NXPH1: variants seen among roughly 807,000 people sequenced by gnomAD.
NXPH1 encodes neurexophilin 1, also known as neurexophilin-1.
In NXPH1, 5 loss-of-function variants were observed where a neutral mutation model predicts 23.7. That is an observed-to-expected ratio of 0.21 (90% CI 0.11 to 0.44). NXPH1 has a LOEUF of 0.44. Among genes scored for constraint, NXPH1 ranks in the 20% least tolerant of loss-of-function variants. The pLI, the probability that NXPH1 is intolerant of heterozygous loss-of-function variation, is 0.99. For synonymous variants in NXPH1, 144 were observed against 122.2 expected (o/e 1.18, Z -1.18); for missense variants, 324 against 321.6 (o/e 1.01, Z -0.06).
At chr7:8,444,697 T>C (rs1816366344) in intron 2 of NXPH1, among the ~76,000 whole-genome samples, 1 of 152,252 alleles carries the variant, frequency 6.6e-6, no homozygotes, top group Non-Finnish European at 1.5e-5. Context: ...GTGCCTCGTC[T>C]TCATCGTCTT....
chr7:8,437,720 C>T (rs1383001078), intron 2 of NXPH1, among the ~76,000 whole-genome samples: 2 of 152,254 alleles, frequency 1.3e-5, no homozygotes, highest in African/African-American at 2.4e-5. Context: ...GCGTTCTCAA[C>T]AACAAGCGCA....
chr7:8,503,124 A>G (rs1014025902), intron 2 of NXPH1, among the ~76,000 whole-genome samples: 1 of 152,048 alleles, frequency 6.6e-6, no homozygotes, highest in African/African-American at 2.4e-5. Flanking sequence ...GCCCCGATCT[A>G]TTTGTGCACA....
intron 2 of NXPH1, among the ~76,000 whole-genome samples, chr7:8,580,845 C>G (rs943390700): frequency 6.6e-6 from 1 of 152,122 alleles, no homozygotes; most frequent in Non-Finnish European, 1.5e-5. Context: ...CTCTGTCCTT[C>G]TATCAGTGAA....
chr7:8,495,400 G>C (rs1466347576), intron 2 of NXPH1, among the ~76,000 whole-genome samples: 2 of 151,670 alleles, frequency 1.3e-5, no homozygotes, highest in African/African-American at 4.9e-5. Context: ...CAACATTGAG[G>C]CTTGTGTTTG....
At chr7:8,719,314 A>G (rs1281491165) in intron 2 of NXPH1, among the ~76,000 whole-genome samples, 2 of 152,200 alleles carry the variant, frequency 1.3e-5, no homozygotes, top group Admixed American at 6.5e-5. Flanking sequence ...CAGTGCTCCA[A>G]GAGCTGATGA....
At chr7:8,732,010 C>A (rs531730706) in intron 2 of NXPH1, among the ~76,000 whole-genome samples, 2 of 152,344 alleles carry the variant, frequency 1.3e-5, no homozygotes, top group East Asian at 3.9e-4. Flanking sequence ...GGGCATAGGA[C>A]CCTCCGAGCC....
chr7:8,496,456 A>G (rs1817337796), intron 2 of NXPH1, among the ~76,000 whole-genome samples: 2 of 152,102 alleles, frequency 1.3e-5, no homozygotes, highest in Admixed American at 1.3e-4. Flanking sequence ...TTCATAATTT[A>G]CAGCAATAGT....
At chr7:8,459,692 C>T (rs1452020040) in intron 2 of NXPH1, among the ~76,000 whole-genome samples, 1 of 151,818 alleles carries the variant, frequency 6.6e-6, no homozygotes, top group Non-Finnish European at 1.5e-5. Flanking sequence ...GTTGGGGCAG[C>T]AAAAACATTG....
intron 2 of NXPH1, among the ~76,000 whole-genome samples, chr7:8,498,706 G>A (rs1817380491): frequency 6.6e-6 from 1 of 152,004 alleles, no homozygotes; most frequent in South Asian, 2.1e-4. Context: ...CAGCATGCTA[G>A]CAGTCAATGA....
chr7:8,595,946 T>C (rs376555306), intron 2 of NXPH1, among the ~76,000 whole-genome samples: 4 of 152,170 alleles, frequency 2.6e-5, no homozygotes, highest in African/African-American at 9.6e-5. Context: ...ATTTTTAAGT[T>C]ACTCAGATGA....
intron 2 of NXPH1, among the ~76,000 whole-genome samples, chr7:8,587,859 T>C (rs892201799): frequency 6.6e-6 from 1 of 152,114 alleles, no homozygotes; most frequent in South Asian, 2.1e-4. Flanking sequence ...TGTATATGTG[T>C]CACATTTTCT....
intron 2 of NXPH1, among the ~76,000 whole-genome samples, chr7:8,686,043 C>A (rs1399739358): frequency 6.6e-6 from 1 of 152,050 alleles, no homozygotes; most frequent in African/African-American, 2.4e-5. Flanking sequence ...CAAATATGTA[C>A]AGCTACTATA....
At chr7:8,447,786 A>C (rs1263854469) in intron 2 of NXPH1, among the ~76,000 whole-genome samples, 1 of 152,224 alleles carries the variant, frequency 6.6e-6, no homozygotes, top group Non-Finnish European at 1.5e-5. Flanking sequence ...ATTTGCACAG[A>C]TTGATGGATT....
intron 2 of NXPH1, among the ~76,000 whole-genome samples, chr7:8,637,033 CAAA>C (rs1820227553): frequency 6.6e-6 from 1 of 152,124 alleles, no homozygotes; most frequent in South Asian, 2.1e-4. Context: ...GTGCATGGTA[CAAA>C]AATCCTTTTG....
At chr7:8,681,761 A>G (rs539623154) in intron 2 of NXPH1, among the ~76,000 whole-genome samples, 59 of 152,342 alleles carry the variant, frequency 3.9e-4, no homozygotes, top group African/African-American at 1.4e-3. Context: ...CTTGACAAAC[A>G]TCAGGCCTGT....
In NXPH1 at chr7:8,646,898, G is replaced by T. The variant is rs184377519; in HGVS notation, c.55-104110G>T. Among the ~76,000 whole-genome samples, 237 of 151,840 alleles carry T rather than the reference G, an allele frequency of 1.6e-3. 2 individuals are homozygous for T. The highest frequency in any genetic ancestry group is 5.3e-3 in the African/African-American group (221 of 41,342). ...TTAAAGGCAATAAACTGGCAACTCG[G>T]GTGCATGATGGGTAGGAACTGGGCA... is the stretch of plus-strand genomic sequence containing the variant. On this transcript the variant is annotated intron_variant, in intron 2 of 2. Transcript: ENST00000405863.
At chr7:8,668,264 T>TG (rs1207011827) in intron 2 of NXPH1, among the ~76,000 whole-genome samples, 1 of 84,648 alleles carries the variant, frequency 1.2e-5, no homozygotes, top group African/African-American at 3.4e-5. Flanking sequence ...TTGTTTTTTT[T>TG]TTTTTATTTT....
chr7:8,600,582 G>C (rs184260699), intron 2 of NXPH1, among the ~76,000 whole-genome samples: 2 of 152,306 alleles, frequency 1.3e-5, no homozygotes, highest in Admixed American at 1.3e-4. Flanking sequence ...GACAGTTTGG[G>C]AGAGATCAGA....
intron 2 of NXPH1, among the ~76,000 whole-genome samples, chr7:8,565,863 T>C (rs899964443): frequency 2.6e-5 from 4 of 151,934 alleles, no homozygotes; most frequent in African/African-American, 4.8e-5. Flanking sequence ...ACAAATTCAA[T>C]AACAAAGTTG....
Sources: gnomAD v4.1 joint callset for allele counts (sites outside exome capture counted in the v4.1 genomes callset) on GRCh38, gnomAD v4.1.1 for gene constraint, MANE v1.5 for transcripts, NCBI Gene and HGNC (gene_info 2026-07-23, HGNC 2026-07-21) for gene names.